Variants in TENM2 observed in about 807,000 individuals in gnomAD.
The protein encoded by TENM2 is teneurin transmembrane protein 2.
A neutral mutation model predicts 245.2 loss-of-function variants in TENM2; 52 were observed. That is an observed-to-expected ratio of 0.21 (90% CI 0.17 to 0.27). TENM2 has a LOEUF of 0.27. Among genes scored for constraint, TENM2 ranks in the 10% least tolerant of loss-of-function variants. TENM2 has a pLI of 1.00. For missense variants in TENM2, 3,046 were observed against 3,666.8 expected, an observed-to-expected ratio of 0.83 and a Z score of 4.37; for synonymous variants, 1,363 against 1,438.9, an observed-to-expected ratio of 0.95 and a Z score of 1.19.
At chr5:167,993,083 A>G in exon 5 of TENM2, 1 of 1,613,982 alleles carries the variant, frequency 6.2e-7, no homozygotes, top group Non-Finnish European at 8.5e-7. Context: ...GAAGGCTTTC[A>G]AGCTGAAGAA....
intron 2 of TENM2, among the ~76,000 whole-genome samples, chr5:167,824,631 G>A (rs917546833): frequency 2.3e-4 from 35 of 152,300 alleles, no homozygotes; most frequent in African/African-American, 8.2e-4. Flanking sequence ...GATTGTACTA[G>A]AAAGATAAGC....
At chr5:168,093,243 T>A (rs1335544301) in intron 8 of TENM2, among the ~76,000 whole-genome samples, 1 of 152,186 alleles carries the variant, frequency 6.6e-6, no homozygotes, top group Non-Finnish European at 1.5e-5. Context: ...GGTAGTGAAA[T>A]TCCCTTCCCC....
chr5:167,768,236 G>T (rs9313389), intron 2 of TENM2, among the ~76,000 whole-genome samples: 19,825 of 151,912 alleles, frequency 0.13, 2,425 homozygotes, highest in African/African-American at 0.32. Context: ...TTCCCTTTCT[G>T]GCTTCCACAT....
the TENM2 span, among the ~76,000 whole-genome samples, chr5:167,067,947 T>G: frequency 6.6e-6 from 1 of 152,270 alleles, no homozygotes; most frequent in Non-Finnish European, 1.5e-5. Flanking sequence ...TAAAAGCAAA[T>G]AAAATGTGAC....
At chr5:167,060,101 C>A in the TENM2 span, among the ~76,000 whole-genome samples, 1 of 152,078 alleles carries the variant, frequency 6.6e-6, no homozygotes, top group Admixed American at 6.6e-5. Flanking sequence ...TAGAAATTTA[C>A]TTATGTGGCA....
intron 2 of TENM2, among the ~76,000 whole-genome samples, chr5:167,654,204 T>C (rs1582661771): frequency 6.6e-6 from 1 of 152,150 alleles, no homozygotes; most frequent in Non-Finnish European, 1.5e-5. Context: ...ATGGCATGTA[T>C]GCTGTTCAAC....
At chr5:168,017,643 C>T (rs62383379) in intron 5 of TENM2, among the ~76,000 whole-genome samples, 22,958 of 152,132 alleles carry the variant, frequency 0.15, 1,944 homozygotes, top group Admixed American at 0.26. Context: ...CAGGCTGCCC[C>T]GTTGGGATGC....
At chr5:168,180,190 G>T (rs1172615640) in intron 13 of TENM2, among the ~76,000 whole-genome samples, 1 of 152,176 alleles carries the variant, frequency 6.6e-6, no homozygotes, top group Non-Finnish European at 1.5e-5. Flanking sequence ...CAAACCTAGA[G>T]CCCTATGTTC....
At chr5:168,126,178 C>T (rs1795835618) in intron 11 of TENM2, among the ~76,000 whole-genome samples, 1 of 152,302 alleles carries the variant, frequency 6.6e-6, no homozygotes, top group African/African-American at 2.4e-5. Context: ...CGCCAAGGTA[C>T]CAATCTGGGT....
At chr5:167,770,677 TG>T (rs1763345042) in intron 2 of TENM2, among the ~76,000 whole-genome samples, 1 of 152,188 alleles carries the variant, frequency 6.6e-6, no homozygotes, top group Non-Finnish European at 1.5e-5. Flanking sequence ...TATTATCCAG[TG>T]TCAATGTGGT....
At chr5:168,250,472 G>A (rs1473084167) in intron 27 of TENM2, among the ~76,000 whole-genome samples, 1 of 152,122 alleles carries the variant, frequency 6.6e-6, no homozygotes, top group Non-Finnish European at 1.5e-5. Context: ...AGGAGGCATC[G>A]ACACTCAGGT....
exon 14 of TENM2, chr5:168,190,544 G>A: frequency 1.9e-6 from 3 of 1,613,300 alleles, no homozygotes; most frequent in Non-Finnish European, 1.7e-6. Context: ...CCTTTCAACA[G>A]CAGGTAGGCA....
intron 2 of TENM2, among the ~76,000 whole-genome samples, chr5:167,495,014 C>A (rs1253014875): frequency 6.6e-6 from 1 of 151,996 alleles, no homozygotes; most frequent in Non-Finnish European, 1.5e-5. Context: ...GATATACAAT[C>A]TTTCTAATGG....
intron 2 of TENM2, among the ~76,000 whole-genome samples, chr5:167,436,306 C>T (rs548607277): frequency 2.0e-5 from 3 of 152,080 alleles, no homozygotes; most frequent in African/African-American, 4.8e-5. Context: ...AGGCTGGTCT[C>T]GAACTCCTGA....
intron 1 of TENM2, among the ~76,000 whole-genome samples, chr5:167,305,557 G>T (rs1359123670): frequency 6.6e-6 from 1 of 152,186 alleles, no homozygotes; most frequent in Admixed American, 6.5e-5. Context: ...GTGAGAACAA[G>T]TTACTTTTGT....
the TENM2 span, among the ~76,000 whole-genome samples, chr5:167,012,262 C>T: frequency 6.6e-6 from 1 of 152,192 alleles, no homozygotes; most frequent in Non-Finnish European, 1.5e-5. Context: ...TCTCCACCTT[C>T]CCCTGTCGTT....
chr5:167,669,433 G>C (rs1165485602), intron 2 of TENM2, among the ~76,000 whole-genome samples: 1 of 152,212 alleles, frequency 6.6e-6, no homozygotes, highest in Non-Finnish European at 1.5e-5. Flanking sequence ...AAACTCATCA[G>C]ACTGATGGTT....
chr5:168,118,761 GCT>G (rs775678601), intron 10 of TENM2, among the ~76,000 whole-genome samples: 1 of 151,848 alleles, frequency 6.6e-6, no homozygotes, highest in Non-Finnish European at 1.5e-5. Context: ...TCTTTAAATT[GCT>G]CTCTCTGCCT....
At chr5:167,464,579 G>T (rs1357740037) in intron 2 of TENM2, among the ~76,000 whole-genome samples, 1 of 152,044 alleles carries the variant, frequency 6.6e-6, no homozygotes, top group African/African-American at 2.4e-5. Context: ...TTGCTATTTA[G>T]TATTACTTAT....
Sources: gnomAD v4.1 joint callset for allele counts (sites outside exome capture counted in the v4.1 genomes callset) on GRCh38, gnomAD v4.1.1 for gene constraint, MANE v1.5 for transcripts, NCBI Gene and HGNC (gene_info 2026-07-23, HGNC 2026-07-21) for gene names.